The following ARID2 variants were observed in gnomAD, a reference collection of about 807,000 sequenced individuals.
ARID2 encodes AT-rich interaction domain 2.
A neutral mutation model predicts 184.6 loss-of-function variants in ARID2; 32 were observed. The ratio of observed to expected loss-of-function variants is 0.17; its 90% CI spans 0.13 to 0.23. The LOEUF is 0.23. ARID2 is among the 10% of genes least tolerant of loss of function. The pLI is 1.00. For missense variants in ARID2, 1,696 were observed against 2,197.6 expected (o/e 0.77, Z 4.56); for synonymous variants, 836 against 772.6 (o/e 1.08, Z -1.36).
At position 45,882,021 on chromosome 12, in the gene ARID2, A is replaced by G. The variant is rs758777204; in HGVS notation, c.4923-9759A>G. Reference sequence around the variant, plus strand: ...GACTTCCCTGTCTGTCTGTCACACAACATGGCCTCAGGTTCTAGGTGCTCC... The same window carrying G: ...GACTTCCCTGTCTGTCTGTCACACAGCATGGCCTCAGGTTCTAGGTGCTCC... On this transcript the variant is annotated intron_variant, in intron 16 of 20. Coordinates refer to ENST00000334344, the MANE Select transcript of ARID2 (RefSeq NM_152641.4). 9 of 178,882 alleles carry G rather than the reference A, an allele frequency of 5.0e-5. No homozygotes were observed. In the South Asian group the frequency reaches 7.3e-4, roughly 14 times the overall value. 11.1% of individuals were successfully genotyped at this position (178,882 alleles called of 1,614,324 possible).
At chr12:45,732,442 T>C (rs947717206) in intron 3 of ARID2, among the ~76,000 whole-genome samples, 2 of 152,336 alleles carry the variant, frequency 1.3e-5, no homozygotes, top group Non-Finnish European at 2.9e-5. Flanking sequence ...GGAGTAGTTA[T>C]TGAGTTACAC....
chr12:45,871,011 A>G (rs1337958774), intron 16 of ARID2, among the ~76,000 whole-genome samples: 1 of 152,214 alleles, frequency 6.6e-6, no homozygotes, highest in Non-Finnish European at 1.5e-5. Context: ...GATAAAGACT[A>G]TGCTTAACAT....
chr12:45,856,777 A>G, intron 15 of ARID2, among the ~76,000 whole-genome samples: 1 of 152,316 alleles, frequency 6.6e-6, no homozygotes, highest in East Asian at 1.9e-4. Flanking sequence ...TAAATGATAT[A>G]CCCATTGATT....
chr12:45,772,862 A>G (rs563090552), intron 3 of ARID2, among the ~76,000 whole-genome samples: 15 of 152,314 alleles, frequency 9.8e-5, no homozygotes, highest in Non-Finnish European at 2.2e-4. Context: ...GATGATCAAC[A>G]AGGAAATATA....
intron 6 of ARID2, among the ~76,000 whole-genome samples, chr12:45,828,299 A>G (rs1463840305): frequency 6.6e-6 from 1 of 152,024 alleles, no homozygotes; most frequent in Non-Finnish European, 1.5e-5. Flanking sequence ...AAGTATTTGT[A>G]TTTCATTCAT....
At chr12:45,841,032 G>T (rs1943334140) in intron 11 of ARID2, 2 of 152,158 alleles carry the variant, frequency 1.3e-5, no homozygotes, top group East Asian at 3.8e-4. Flanking sequence ...AATATTAATG[G>T]TTTCTCAACC....
At chr12:45,857,627 T>C (rs1282752745) in intron 15 of ARID2, among the ~76,000 whole-genome samples, 1 of 152,184 alleles carries the variant, frequency 6.6e-6, no homozygotes, top group Admixed American at 6.5e-5. Context: ...TGGCCAAAAC[T>C]CCTACTTTTA....
At chr12:45,829,831 C>T (rs1407483613) in intron 6 of ARID2, among the ~76,000 whole-genome samples, 1 of 135,994 alleles carries the variant, frequency 7.4e-6, no homozygotes. Context: ...CAATTTCTGA[C>T]CTTCTCTTAA....
intron 20 of ARID2, among the ~76,000 whole-genome samples, chr12:45,894,427 T>G (rs1944341681): frequency 6.6e-6 from 1 of 152,132 alleles, no homozygotes; most frequent in Non-Finnish European, 1.5e-5. Context: ...ATTAGTTCCA[T>G]CTCCTTAATG....
At chr12:45,777,579 C>A (rs1176752193) in intron 3 of ARID2, among the ~76,000 whole-genome samples, 1 of 151,800 alleles carries the variant, frequency 6.6e-6, no homozygotes, top group African/African-American at 2.4e-5. Flanking sequence ...CCGTGTAAGT[C>A]AAATTTTTTA....
At chr12:45,752,007 T>C (rs1161462247) in intron 3 of ARID2, among the ~76,000 whole-genome samples, 1 of 152,216 alleles carries the variant, frequency 6.6e-6, no homozygotes, top group Non-Finnish European at 1.5e-5. Context: ...AAGTTTCAAA[T>C]ATAAAACTTT....
At chr12:45,886,949 A>G (rs1944202382) in intron 16 of ARID2, among the ~76,000 whole-genome samples, 1 of 152,090 alleles carries the variant, frequency 6.6e-6, no homozygotes, top group South Asian at 2.1e-4. Context: ...CCCTGGAGAC[A>G]TTTTCCCCAT....
intron 3 of ARID2, among the ~76,000 whole-genome samples, chr12:45,750,177 G>C (rs1327486828): frequency 6.6e-6 from 1 of 152,136 alleles, no homozygotes; most frequent in Non-Finnish European, 1.5e-5. Context: ...CTTAGAGGCC[G>C]TTGTGGCCTA....
intron 3 of ARID2, among the ~76,000 whole-genome samples, chr12:45,801,831 G>A (rs533082724): frequency 7.6e-4 from 116 of 152,132 alleles, no homozygotes; most frequent in African/African-American, 2.7e-3. Context: ...AATGAGAATA[G>A]GATAAGGTAA....
chr12:45,770,682 G>C (rs1941859431), intron 3 of ARID2, among the ~76,000 whole-genome samples: 1 of 152,196 alleles, frequency 6.6e-6, no homozygotes, highest in African/African-American at 2.4e-5. Flanking sequence ...TATGGCCTCA[G>C]AATAGGGGAG....
At position 45,761,186 on chromosome 12, in the gene ARID2, C is replaced by A. The variant is rs541977743; in HGVS notation, c.284+29872C>A. Among the ~76,000 whole-genome samples, 30 of 152,308 alleles carry A rather than the reference C, an allele frequency of 2.0e-4. No homozygotes were observed. The South Asian group carries it at 2.7e-3, about 14-fold the overall frequency. ...TTTCTCTTCTCCCTTCCTTGCCCAA[C>A]AAATTCCAAGAAGTTTAGCATACTC... On this transcript the variant is annotated intron_variant, in intron 3 of 20. Coordinates refer to ENST00000334344, the MANE Select transcript of ARID2 (RefSeq NM_152641.4).
rs1943246072 is a variant in ARID2, at chr12:45,837,689, A to G, written c.1312A>G (p.Lys438Glu). The stretch of plus-strand genomic sequence containing the variant: ...AGATGTTGCTTGCACAAAAATTGCA[A>G]AAGTAGAAAAGAGCATAGGTAAGAC... ...MGDVACTKIA[K>E]VEKSIDMLVC... The change falls in exon 10 of 21, where the codon AAA becomes GAA. Residue 438 changes from lysine (K) to glutamate (E), a missense_variant. Lys to Glu is a moderately conservative substitution (Grantham distance 56). This residue lies in a region of ARID2 where 86 missense variants were observed against 200.8 expected (regional missense o/e 0.43). Coordinates refer to ENST00000334344, the MANE Select transcript of ARID2 (RefSeq NM_152641.4). The G allele has an allele frequency of 1.2e-6, 2 of 1,613,652 alleles. No homozygotes were observed. The highest frequency in any genetic ancestry group is 8.5e-7 in the Non-Finnish European group (1 of 1,179,608).
At chr12:45,760,312 T>C (rs1941650581) in intron 3 of ARID2, among the ~76,000 whole-genome samples, 1 of 152,234 alleles carries the variant, frequency 6.6e-6, no homozygotes, top group Non-Finnish European at 1.5e-5. Flanking sequence ...AAAAAGAATA[T>C]ATTTTATGTT....
intron 11 of ARID2, among the ~76,000 whole-genome samples, chr12:45,844,403 T>A (rs1405127889): frequency 6.6e-6 from 1 of 152,176 alleles, no homozygotes; most frequent in Non-Finnish European, 1.5e-5. Flanking sequence ...TTGACAGTAG[T>A]TAAGGAGGCA....
Sources: allele counts gnomAD v4.1 joint callset (sites outside exome capture counted in the v4.1 genomes callset), GRCh38; gene constraint gnomAD v4.1.1; regional missense constraint gnomAD v4.1.1; transcripts MANE v1.5; gene names NCBI Gene and HGNC (gene_info 2026-07-23, HGNC 2026-07-21).